Variants in WDR19 observed in about 807,000 individuals in gnomAD.
WDR19 encodes the protein WD repeat domain 19.
A neutral mutation model predicts 180.0 loss-of-function variants in WDR19; 121 were observed. The ratio of observed to expected loss-of-function variants is 0.67; its 90% confidence interval spans 0.58 to 0.78. The LOEUF is 0.78. Among genes scored for constraint, WDR19 ranks in the 30% least tolerant of loss-of-function variants. The pLI is 0.00. For missense variants in WDR19, 1,450 were observed against 1,640.7 expected, an observed-to-expected ratio of 0.88 and a Z score of 2.01; for synonymous variants, 497 against 540.7, an observed-to-expected ratio of 0.92 and a Z score of 1.12.
At chr4:39,227,738 G>C (rs911025610) in intron 15 of WDR19, among the ~76,000 whole-genome samples, 1 of 152,080 alleles carries the variant, frequency 6.6e-6, no homozygotes, top group South Asian at 2.1e-4. Flanking sequence ...ATTTATATTT[G>C]TTGACATGCA....
Position 39,257,517 on chromosome 4 carries a change from C to T in WDR19, c.3146C>T (p.Ser1049Leu), listed in dbSNP as rs763748984. Reference sequence around the variant, plus strand: ...AAACACTTCCTGAAATGCCCAAGCTCGGAAGATAATGTGGCAATAGAAATG... The same window carrying T: ...AAACACTTCCTGAAATGCCCAAGCTTGGAAGATAATGTGGCAATAGAAATG... ...ALKHFLKCPS[S>L]EDNVAIEMAI... Residue 1049 changes from serine to leucine, a missense_variant, in exon 28 of 37, where the codon TCG becomes TTG. Physicochemically the swap from Ser to Leu is moderately radical, Grantham distance 145 (BLOSUM62 -2). Transcript: ENST00000399820. 9 of 1,589,378 alleles carry T rather than the reference C, an allele frequency of 5.7e-6. No individual in the cohort carries two copies. Among genetic ancestry groups the T allele is most frequent in the African/African-American group, 2.7e-5 (2 of 74,422 alleles).
At chr4:39,193,553 ACAT>A (rs1311481179) in intron 4 of WDR19, among the ~76,000 whole-genome samples, 2 of 152,328 alleles carry the variant, frequency 1.3e-5, no homozygotes, top group African/African-American at 4.8e-5. Flanking sequence ...CTTCCAAGTA[ACAT>A]CATGATTTTA....
chr4:39,214,295 T>G (rs1442520751), intron 9 of WDR19, among the ~76,000 whole-genome samples: 3 of 152,160 alleles, frequency 2.0e-5, no homozygotes, highest in Admixed American at 1.3e-4. Flanking sequence ...TACCCAAATT[T>G]CTTCAGGACA....
At chr4:39,251,605 C>T (rs1436030497) in intron 24 of WDR19, among the ~76,000 whole-genome samples, 1 of 152,040 alleles carries the variant, frequency 6.6e-6, no homozygotes, top group African/African-American at 2.4e-5. Flanking sequence ...TTTTTGCAAC[C>T]TACTCATCTG....
intron 29 of WDR19, among the ~76,000 whole-genome samples, chr4:39,267,515 G>T (rs1448448764): frequency 2.0e-5 from 3 of 152,202 alleles, no homozygotes; most frequent in African/African-American, 7.2e-5. Context: ...ATGGAAAATG[G>T]CCAAAGGCCA....
At chr4:39,259,877 A>G (rs1734118043) in intron 28 of WDR19, among the ~76,000 whole-genome samples, 1 of 152,204 alleles carries the variant, frequency 6.6e-6, no homozygotes, top group Non-Finnish European at 1.5e-5. Flanking sequence ...TCTAACAACA[A>G]TTCCTTGATA....
intron 24 of WDR19, among the ~76,000 whole-genome samples, chr4:39,247,935 A>G (rs960940397): frequency 6.6e-6 from 1 of 152,230 alleles, no homozygotes; most frequent in African/African-American, 2.4e-5. Flanking sequence ...ACTCTGCAGG[A>G]TATTATCCAG....
At chr4:39,282,879 A>G (rs1354682627) in intron 36 of WDR19, among the ~76,000 whole-genome samples, 4 of 152,188 alleles carry the variant, frequency 2.6e-5, no homozygotes, top group African/African-American at 7.2e-5. Flanking sequence ...AAATTGACTT[A>G]TGTCTAGTAG....
At chr4:39,251,756 A>G (rs1236201809) in intron 24 of WDR19, among the ~76,000 whole-genome samples, 1 of 152,154 alleles carries the variant, frequency 6.6e-6, no homozygotes, top group Non-Finnish European at 1.5e-5. Context: ...CACATGAAAA[A>G]ATGCTCATCA....
intron 20 of WDR19, among the ~76,000 whole-genome samples, chr4:39,239,037 C>A (rs906418120): frequency 6.6e-6 from 1 of 152,014 alleles, no homozygotes; most frequent in Admixed American, 6.6e-5. Context: ...AGTACAGTGG[C>A]GCAATTTCAG....
chr4:39,205,144 T>C lies in WDR19; in HGVS notation c.604-10T>C, dbSNP rs766591103. 2 of 1,561,182 alleles carry C rather than the reference T, an allele frequency of 1.3e-6. No individual in the cohort carries two copies. The highest frequency in any genetic ancestry group is 4.6e-5 in the East Asian group (2 of 43,242). ...AACTCATTTCACAATCTCCTAATCT[T>C]TTCTGGCAGATAAGTGTGGTGCTTG... On this transcript the variant is annotated splice_polypyrimidine_tract_variant and intron_variant, in intron 7 of 36. Transcript: ENST00000399820.
intron 26 of WDR19, among the ~76,000 whole-genome samples, chr4:39,255,568 G>A (rs1733666985): frequency 6.6e-6 from 1 of 152,026 alleles, no homozygotes; most frequent in South Asian, 2.1e-4. Flanking sequence ...TTTAAACCAG[G>A]CATTGCTGAG....
chr4:39,270,593 A>T (rs896106784), intron 31 of WDR19, among the ~76,000 whole-genome samples: 1 of 151,768 alleles, frequency 6.6e-6, no homozygotes, highest in Non-Finnish European at 1.5e-5. Flanking sequence ...GGCCAGGCTG[A>T]TTTCAAACTT....
At chr4:39,189,814 C>A in intron 4 of WDR19, 33 bp downstream of exon 4, 1 of 1,579,200 alleles carries the variant, frequency 6.3e-7, no homozygotes, top group Admixed American at 1.9e-5. Context: ...TAAAGCTTCA[C>A]TTAGAAACAT....
Position 39,273,073 on chromosome 4 carries a change from T to A in WDR19, c.3565+12T>A. 6.3e-7 allele frequency: 1 copy of A among 1,593,190 alleles called. No individual in the cohort carries two copies. Among genetic ancestry groups the A allele is most frequent in the African/African-American group, 1.3e-5 (1 of 74,724 alleles). On this transcript the variant is annotated intron_variant, in intron 32 of 36. Coordinates refer to ENST00000399820, the MANE Select transcript of WDR19 (RefSeq NM_025132.4). Reference sequence around the variant, plus strand: ...CAAATTTCCATCACGTAAGTACCACTGACCAGAGCTCTCACCCATGCCCCA... The same window carrying A: ...CAAATTTCCATCACGTAAGTACCACAGACCAGAGCTCTCACCCATGCCCCA...
intron 24 of WDR19, among the ~76,000 whole-genome samples, chr4:39,251,045 C>T (rs1463156169): frequency 2.6e-5 from 4 of 151,980 alleles, no homozygotes; most frequent in Non-Finnish European, 5.9e-5. Flanking sequence ...GAGCTTGCAT[C>T]GCCAAGTCAA....
At chr4:39,215,101 A>G (rs1728930287) in intron 10 of WDR19, among the ~76,000 whole-genome samples, 1 of 152,138 alleles carries the variant, frequency 6.6e-6, no homozygotes, top group Non-Finnish European at 1.5e-5. Context: ...TCTTCACTAG[A>G]GTTCCCTAAA....
intron 21 of WDR19, among the ~76,000 whole-genome samples, chr4:39,241,634 T>C (rs949418918): frequency 6.6e-6 from 1 of 151,366 alleles, no homozygotes; most frequent in African/African-American, 2.4e-5. Context: ...CTGTCTCTAA[T>C]AAAAATACAA....
intron 24 of WDR19, among the ~76,000 whole-genome samples, chr4:39,247,299 C>A (rs1732634534): frequency 2.0e-5 from 3 of 152,200 alleles, no homozygotes; most frequent in African/African-American, 7.2e-5. Flanking sequence ...AGGGTCCTGA[C>A]TGTTAGAAGG....
Sources: gnomAD v4.1 joint callset for allele counts (sites outside exome capture counted in the v4.1 genomes callset) on GRCh38, gnomAD v4.1.1 for gene constraint, MANE v1.5 for transcripts, NCBI Gene and HGNC (gene_info 2026-07-23, HGNC 2026-07-21) for gene names.